Variants in RANBP2 observed in about 807,000 individuals in gnomAD.
RANBP2 encodes RAN binding protein 2.
Under a neutral mutation model 303.6 loss-of-function variants are expected in RANBP2, and 57 were observed. That is an observed-to-expected ratio of 0.19 (90% CI 0.15 to 0.23). The LOEUF (loss-of-function observed/expected upper bound fraction) is 0.23, where lower values mean the gene tolerates loss of function less well. Ranked by LOEUF, RANBP2 falls within the 10% of genes least tolerant of loss-of-function variation. The probability of loss-of-function intolerance (pLI) is 1.00; values close to 1 mark genes in which losing one functional copy is unlikely to be tolerated. For missense variants in RANBP2, 3,138 were observed against 3,780.8 expected, an observed-to-expected ratio of 0.83 and a Z score of 4.46; for synonymous variants, 1,167 against 1,301.5, an observed-to-expected ratio of 0.90 and a Z score of 2.23.
At chr2:108,907,654 A>AAACTC in the RANBP2 span, among the ~76,000 whole-genome samples, 1 of 152,086 alleles carries the variant, frequency 6.6e-6, no homozygotes, top group Non-Finnish European at 1.5e-5. Context: ...ATCTCCAAAA[A>AAACTC]AAAAAAACAA....
chr2:109,498,112 C>T, the RANBP2 span, among the ~76,000 whole-genome samples: 9 of 152,308 alleles, frequency 5.9e-5, no homozygotes, highest in East Asian at 7.7e-4. Flanking sequence ...CTCACAGAGA[C>T]GCTGAGCTGG....
At chr2:109,486,529 T>C in the RANBP2 span, among the ~76,000 whole-genome samples, 1 of 152,198 alleles carries the variant, frequency 6.6e-6, no homozygotes, top group East Asian at 1.9e-4. Flanking sequence ...AACAGCAACA[T>C]AATCACCAGA....
chr2:108,768,327 C>G lies in RANBP2; in HGVS notation c.7788C>G (p.Leu2596=). 1.9e-6 allele frequency: 3 copies of G among 1,612,000 alleles called. No homozygotes were observed. The highest frequency in any genetic ancestry group is 2.5e-6 in the Non-Finnish European group (3 of 1,179,856). ...EQSSDSKVKN[L]FASFPTEESS... is the part of the protein sequence containing the mutation. ...CTTCAGATAGCAAAGTCAAAAATCT[C>G]TTTGCTTCCTTTCCAACGGAAGAAT... is the stretch of plus-strand genomic sequence containing the variant. Residue 2596 remains leucine, a synonymous_variant, in exon 20 of 29, where the codon CTC becomes CTG. Coordinates refer to ENST00000283195, the MANE Select transcript of RANBP2 (RefSeq NM_006267.5).
chr2:109,144,205 C>T, the RANBP2 span, among the ~76,000 whole-genome samples: 2 of 152,198 alleles, frequency 1.3e-5, no homozygotes, highest in Non-Finnish European at 2.9e-5. Flanking sequence ...ATTTTCATGA[C>T]ACCACGAAGG....
At chr2:108,776,437 T>G (rs929655643) in intron 24 of RANBP2, among the ~76,000 whole-genome samples, 4 of 152,176 alleles carry the variant, frequency 2.6e-5, no homozygotes, top group Admixed American at 2.6e-4. Context: ...GCTTTCTCTC[T>G]TTTTCATTTC....
the RANBP2 span, among the ~76,000 whole-genome samples, chr2:109,431,224 G>T: frequency 1.5e-4 from 23 of 152,314 alleles, no homozygotes; most frequent in East Asian, 2.1e-3. Context: ...TGCACAAGCC[G>T]CTGGATAGGG....
the RANBP2 span, among the ~76,000 whole-genome samples, chr2:109,484,162 G>T: frequency 6.6e-6 from 1 of 151,140 alleles, no homozygotes; most frequent in Non-Finnish European, 1.5e-5. Flanking sequence ...TGCCTTCTGG[G>T]TTCAAGCGAT....
At chr2:109,440,450 T>G in the RANBP2 span, among the ~76,000 whole-genome samples, 1 of 152,254 alleles carries the variant, frequency 6.6e-6, no homozygotes, top group Non-Finnish European at 1.5e-5. Context: ...ATGTTTATCC[T>G]AAGGGGGCAC....
At chr2:109,377,103 C>T in the RANBP2 span, among the ~76,000 whole-genome samples, 1 of 152,192 alleles carries the variant, frequency 6.6e-6, no homozygotes, top group Non-Finnish European at 1.5e-5. Context: ...GGGGGGAGGT[C>T]TAGAATTCAA....
the RANBP2 span, among the ~76,000 whole-genome samples, chr2:109,126,884 A>G: frequency 6.6e-6 from 1 of 152,212 alleles, no homozygotes; most frequent in East Asian, 1.9e-4. Flanking sequence ...GAGCCCTTCC[A>G]GTGCCTGATG....
the RANBP2 span, among the ~76,000 whole-genome samples, chr2:108,863,567 G>A: frequency 2.0e-5 from 3 of 152,144 alleles, no homozygotes; most frequent in Admixed American, 6.6e-5. Flanking sequence ...TTTTTATGTA[G>A]TAAAACTCCT....
At chr2:109,476,640 C>A in the RANBP2 span, among the ~76,000 whole-genome samples, 1 of 152,228 alleles carries the variant, frequency 6.6e-6, no homozygotes, top group Non-Finnish European at 1.5e-5. Context: ...GGTCCCAATC[C>A]AGATCCCAAG....
At chr2:108,930,171 C>G in the RANBP2 span, 1 of 1,614,022 alleles carries the variant, frequency 6.2e-7, no homozygotes, top group South Asian at 1.1e-5. Context: ...GGCACAGCCC[C>G]GTAGTCTGGT....
At chr2:108,881,445 C>T in the RANBP2 span, among the ~76,000 whole-genome samples, 1 of 152,200 alleles carries the variant, frequency 6.6e-6, no homozygotes, top group East Asian at 1.9e-4. Context: ...AGCAATAAGG[C>T]TGCTGTGTTT....
At chr2:109,374,585 A>C in the RANBP2 span, among the ~76,000 whole-genome samples, 1 of 152,120 alleles carries the variant, frequency 6.6e-6, no homozygotes, top group African/African-American at 2.4e-5. Context: ...TGGAGCTTCC[A>C]TCTTGGGCTA....
the RANBP2 span, among the ~76,000 whole-genome samples, chr2:109,174,365 T>A: frequency 6.6e-6 from 1 of 152,216 alleles, no homozygotes; most frequent in African/African-American, 2.4e-5. Flanking sequence ...GGTTTTTGAC[T>A]TCCTTTCATT....
the RANBP2 span, among the ~76,000 whole-genome samples, chr2:108,888,768 GA>G: frequency 6.6e-6 from 1 of 151,664 alleles, no homozygotes; most frequent in Non-Finnish European, 1.5e-5. Context: ...TCATGTTGTT[GA>G]GTCTTTGTAT....
the RANBP2 span, among the ~76,000 whole-genome samples, chr2:109,272,944 C>A: frequency 6.6e-6 from 1 of 152,162 alleles, no homozygotes; most frequent in Admixed American, 6.5e-5. Flanking sequence ...AAAGGAATCA[C>A]AAAGGACCCG....
chr2:109,755,572 AATCTCCTGCTCCT>A, the RANBP2 span, among the ~76,000 whole-genome samples: 1 of 14,016 alleles, frequency 7.1e-5, no homozygotes, highest in Non-Finnish European at 1.7e-4. Context: ...AATCAAACTC[AATCTCCTGCTCCT>A]CCCACCCCCA....
Sources: allele counts gnomAD v4.1 joint callset (sites outside exome capture counted in the v4.1 genomes callset), GRCh38; gene constraint gnomAD v4.1.1; transcripts MANE v1.5; gene names NCBI Gene and HGNC (gene_info 2026-07-23, HGNC 2026-07-21).